FSIP1: variants seen among roughly 807,000 people sequenced by gnomAD.
FSIP1 encodes the protein fibrous sheath-interacting protein 1.
Under a neutral mutation model 60.9 loss-of-function variants are expected in FSIP1, and 65 were observed. The ratio of observed to expected loss-of-function variants is 1.07; its 90% confidence interval spans 0.87 to 1.31. FSIP1 has a LOEUF of 1.31. Ranked by LOEUF, FSIP1 falls within the 40% of genes most tolerant of loss-of-function variation. The pLI, the probability that FSIP1 is intolerant of heterozygous loss-of-function variation, is 0.00. For missense variants in FSIP1, 675 were observed against 665.5 expected, an observed-to-expected ratio of 1.01 and a Z score of -0.16; for synonymous variants, 209 against 221.2, an observed-to-expected ratio of 0.94 and a Z score of 0.49.
At chr15:39,648,177 A>G (rs1339001455) in intron 10 of FSIP1, among the ~76,000 whole-genome samples, 1 of 151,354 alleles carries the variant, frequency 6.6e-6, no homozygotes, top group East Asian at 1.9e-4. Flanking sequence ...ATAAAAAAAA[A>G]AAGAAAAAAA....
intron 10 of FSIP1, among the ~76,000 whole-genome samples, chr15:39,692,058 GAA>G (rs11291569): frequency 9.2e-5 from 14 of 151,496 alleles, no homozygotes; most frequent in Non-Finnish European, 1.9e-4. Flanking sequence ...CTACAAAGTC[GAA>G]AAAAAAAATT....
At chr15:39,760,014 C>A (rs1897438691) in intron 5 of FSIP1, among the ~76,000 whole-genome samples, 1 of 151,918 alleles carries the variant, frequency 6.6e-6, no homozygotes, top group Admixed American at 6.6e-5. Context: ...TTCAGCCAAC[C>A]ACAGAAGGTA....
chr15:39,743,456 A>T (rs1007505369), intron 5 of FSIP1, among the ~76,000 whole-genome samples: 1 of 152,238 alleles, frequency 6.6e-6, no homozygotes, highest in Non-Finnish European at 1.5e-5. Context: ...CATTTTCTGA[A>T]TTCCACATCT....
chr15:39,732,545 G>C (rs1167231701), intron 8 of FSIP1, among the ~76,000 whole-genome samples: 3 of 150,976 alleles, frequency 2.0e-5, no homozygotes, highest in African/African-American at 4.9e-5. Context: ...CTTGAGCCCG[G>C]GAGGCAGGGC....
chr15:39,765,512 G>A, intron 4 of FSIP1, 80 bp downstream of exon 4: 2 of 1,061,384 alleles, frequency 1.9e-6, no homozygotes, highest in Non-Finnish European at 2.7e-6. Context: ...CCTAAGTGCT[G>A]GGATTACAGG....
At chr15:39,637,257 T>C (rs28463815) in intron 10 of FSIP1, among the ~76,000 whole-genome samples, 121 of 152,292 alleles carry the variant, frequency 7.9e-4, no homozygotes, top group Admixed American at 1.4e-3. Flanking sequence ...GGTTCTTACT[T>C]GCAAATAACA....
downstream of FSIP1, chr15:39,597,673 A>G (rs1332787020): frequency 1.3e-5 from 2 of 152,224 alleles, no homozygotes; most frequent in Non-Finnish European, 2.9e-5. Context: ...AAAGAACAAA[A>G]TGATACATTA....
At chr15:39,605,913 G>A (rs145059660) in intron 11 of FSIP1, among the ~76,000 whole-genome samples, 1 of 152,192 alleles carries the variant, frequency 6.6e-6, no homozygotes, top group South Asian at 2.1e-4. Flanking sequence ...GAGAGAGAGA[G>A]AAATTAACTA....
rs1403346266 is a variant in FSIP1 at position 39,600,823 on chromosome 15, A to G, written c.*57T>C. 1 of 1,371,252 alleles carries G rather than the reference A, an allele frequency of 7.3e-7. No homozygotes were observed. Among genetic ancestry groups the G allele is most frequent in the Non-Finnish European group, 1.0e-6 (1 of 979,344 alleles). 84.9% of individuals were successfully genotyped at this position (1,371,252 alleles called of 1,614,324 possible). A position where few individuals can be genotyped will look rare whatever the true frequency, so the allele number is the denominator to read the frequency against. ...CATTGAATTCAAATAATTCAATAAG[A>G]AATTTAATTTAACTTCATTACCAAC... is the stretch of plus-strand genomic sequence containing the variant. On this transcript the variant is annotated 3_prime_UTR_variant, in exon 12 of 12. Coordinates refer to ENST00000350221, the MANE Select transcript of FSIP1 (RefSeq NM_152597.5).
intron 10 of FSIP1, among the ~76,000 whole-genome samples, chr15:39,618,511 C>T (rs886253528): frequency 3.9e-5 from 6 of 152,116 alleles, no homozygotes; most frequent in African/African-American, 1.4e-4. Flanking sequence ...AAAAAATTGG[C>T]ATACAAGGCA....
intron 10 of FSIP1, among the ~76,000 whole-genome samples, chr15:39,704,519 C>T (rs1296110668): frequency 2.6e-5 from 4 of 152,178 alleles, no homozygotes; most frequent in Non-Finnish European, 4.4e-5. Context: ...ACTATACGGA[C>T]GTGACTTAGA....
At chr15:39,693,892 A>G (rs1482927638) in intron 10 of FSIP1, among the ~76,000 whole-genome samples, 5 of 152,196 alleles carry the variant, frequency 3.3e-5, no homozygotes, top group Non-Finnish European at 7.3e-5. Flanking sequence ...CATGAAGATG[A>G]AACAAAAACT....
intron 10 of FSIP1, 120 bp from the exon 11 acceptor site, chr15:39,618,365 A>C: frequency 1.3e-6 from 1 of 750,366 alleles, no homozygotes; most frequent in Non-Finnish European, 2.1e-6. Flanking sequence ...ACATAAAAAT[A>C]GAAAAATAAT....
intron 5 of FSIP1, among the ~76,000 whole-genome samples, chr15:39,751,724 G>C (rs1897169812): frequency 6.6e-6 from 1 of 151,914 alleles, no homozygotes; most frequent in African/African-American, 2.4e-5. Flanking sequence ...GGACTAACAA[G>C]TTTAAAGATC....
chr15:39,700,795 A>G (rs1484965945), intron 10 of FSIP1, among the ~76,000 whole-genome samples: 1 of 152,196 alleles, frequency 6.6e-6, no homozygotes, highest in East Asian at 1.9e-4. Flanking sequence ...GGATGAATAG[A>G]TTTCCTGAAC....
chr15:39,680,164 T>C (rs58098811), intron 10 of FSIP1, among the ~76,000 whole-genome samples: 4,907 of 152,064 alleles, frequency 0.032, 256 homozygotes, highest in African/African-American at 0.11. Context: ...AAAAAAATAA[T>C]AATAATGTAA....
chr15:39,774,131 T>C (rs1357903823), intron 2 of FSIP1, among the ~76,000 whole-genome samples: 1 of 152,128 alleles, frequency 6.6e-6, no homozygotes, highest in East Asian at 1.9e-4. Flanking sequence ...ATCTGTAAAG[T>C]CAAAGCAATT....
At chr15:39,624,945 A>AG (rs1478832440) in intron 10 of FSIP1, among the ~76,000 whole-genome samples, 1 of 152,236 alleles carries the variant, frequency 6.6e-6, no homozygotes, top group Admixed American at 6.5e-5. Context: ...GTCAGCAGCC[A>AG]GGAGGCTCAG....
chr15:39,652,004 C>A (rs761751437), intron 10 of FSIP1, among the ~76,000 whole-genome samples: 1 of 152,184 alleles, frequency 6.6e-6, no homozygotes, highest in African/African-American at 2.4e-5. Flanking sequence ...GATTGGAGGA[C>A]AAATAAAGGG....
Sources: gnomAD v4.1 joint callset for allele counts (sites outside exome capture counted in the v4.1 genomes callset) on GRCh38, gnomAD v4.1.1 for gene constraint, MANE v1.5 for transcripts, NCBI Gene and HGNC (gene_info 2026-07-23, HGNC 2026-07-21) for gene names.